Variants in SAMD8 observed in about 807,000 individuals in gnomAD.
SAMD8 encodes sphingomyelin synthase-related protein 1.
A neutral mutation model predicts 42.0 loss-of-function variants in SAMD8; 20 were observed. The ratio of observed to expected loss-of-function variants is 0.48; its 90% confidence interval spans 0.34 to 0.69. SAMD8 has a LOEUF of 0.69. SAMD8 is among the 30% of genes least tolerant of loss of function. The pLI is 0.01. For synonymous variants in SAMD8, 162 were observed against 173.0 expected (o/e 0.94, Z 0.50); for missense variants, 328 against 511.6 (o/e 0.64, Z 3.46).
At chr10:75,103,811 C>T in intron 1 of SAMD8, 2 of 1,108,264 alleles carry the variant, frequency 1.8e-6, no homozygotes, top group Admixed American at 3.1e-5. Flanking sequence ...TTCCTCTCTC[C>T]TCCCCTCCCC....
intron 1 of SAMD8, among the ~76,000 whole-genome samples, chr10:75,115,357 T>C (rs1026978518): frequency 2.6e-5 from 4 of 152,192 alleles, no homozygotes; most frequent in African/African-American, 4.8e-5. Context: ...CTTGTGGTTT[T>C]CTTGGCCTTG....
At chr10:75,162,915 AT>A (rs939244372) in intron 2 of SAMD8, among the ~76,000 whole-genome samples, 10 of 151,144 alleles carry the variant, frequency 6.6e-5, no homozygotes, top group African/African-American at 9.7e-5. Context: ...CAAGAGAGGA[AT>A]TTTTTTTTCT....
chr10:75,139,446 T>A (rs1438211517), intron 1 of SAMD8, among the ~76,000 whole-genome samples: 1 of 152,152 alleles, frequency 6.6e-6, no homozygotes, highest in Non-Finnish European at 1.5e-5. Flanking sequence ...GAACAATTGT[T>A]AACAATGGGG....
intron 1 of SAMD8, among the ~76,000 whole-genome samples, chr10:75,116,810 A>G (rs111664760): frequency 3.1e-4 from 47 of 152,026 alleles, no homozygotes; most frequent in Non-Finnish European, 6.3e-4. Flanking sequence ...TGGATGTAGC[A>G]TATTTATTTA....
At chr10:75,105,645 C>T (rs1338358697) in intron 1 of SAMD8, 3 of 1,545,670 alleles carry the variant, frequency 1.9e-6, no homozygotes, top group Admixed American at 3.9e-5. Context: ...TCCAGCTTTG[C>T]CCCCTGAGGC....
upstream of SAMD8, chr10:75,108,169 T>C (rs968730029): frequency 1.8e-5 from 29 of 1,612,026 alleles, no homozygotes; most frequent in Non-Finnish European, 2.5e-5. Context: ...ACGTGGGTGA[T>C]GCCCAGCTTC....
intron 1 of SAMD8, among the ~76,000 whole-genome samples, chr10:75,131,362 C>T (rs1033029309): frequency 2.7e-4 from 41 of 152,246 alleles, no homozygotes; most frequent in African/African-American, 9.6e-4. Flanking sequence ...GGCTTGTTGC[C>T]TCTACTAATT....
upstream of SAMD8, among the ~76,000 whole-genome samples, chr10:75,111,099 C>T (rs182856708): frequency 2.9e-4 from 44 of 152,362 alleles, no homozygotes; most frequent in African/African-American, 1.1e-3. Flanking sequence ...AGACGTGAGC[C>T]TCCGCTCCCG....
At chr10:75,141,404 A>G (rs1589953033) in intron 1 of SAMD8, among the ~76,000 whole-genome samples, 2 of 151,994 alleles carry the variant, frequency 1.3e-5, no homozygotes, top group Admixed American at 1.3e-4. Flanking sequence ...TGTCGATACT[A>G]TATGTGGCAA....
At chr10:75,149,402 T>C (rs1840227764) in intron 1 of SAMD8, among the ~76,000 whole-genome samples, 1 of 152,192 alleles carries the variant, frequency 6.6e-6, no homozygotes, top group Non-Finnish European at 1.5e-5. Context: ...TGTGAGTACA[T>C]GGAAATGACA....
intron 1 of SAMD8, among the ~76,000 whole-genome samples, chr10:75,141,715 G>A (rs539964405): frequency 6.6e-6 from 1 of 151,288 alleles, no homozygotes; most frequent in South Asian, 2.1e-4. Context: ...CTAATTTTTT[G>A]TATTTTTATT....
At chr10:75,136,383 A>G (rs1488387479) in intron 1 of SAMD8, among the ~76,000 whole-genome samples, 2 of 152,336 alleles carry the variant, frequency 1.3e-5, no homozygotes, top group African/African-American at 4.8e-5. Context: ...GAGAGCTGAA[A>G]AACATATCCT....
intron 3 of SAMD8, among the ~76,000 whole-genome samples, chr10:75,164,980 T>TG (rs1840641214): frequency 6.6e-6 from 1 of 152,204 alleles, no homozygotes; most frequent in South Asian, 2.1e-4. Flanking sequence ...CTATGGCTGA[T>TG]CGTGCTCATC....
In SAMD8 at chr10:75,181,773, C is replaced by T. The variant is rs78449086; in HGVS notation, c.*5081C>T. 1.3e-5 allele frequency: 2 copies of T among 152,112 alleles called. No homozygotes were observed. Among genetic ancestry groups the T allele is most frequent in the African/African-American group, 4.8e-5 (2 of 41,426 alleles). 9.4% of individuals were successfully genotyped at this position (152,112 alleles called of 1,614,324 possible). On this transcript the variant is annotated 3_prime_UTR_variant, in exon 6 of 6. Coordinates refer to ENST00000542569, the MANE Select transcript of SAMD8 (RefSeq NM_001174156.2). ...GTCATCTTAAAAATGTTCACTTTTA[C>T]TAAGTTTTATTCAGAGGATCTATGT...
At chr10:75,138,951 GT>G (rs1318589530) in intron 1 of SAMD8, among the ~76,000 whole-genome samples, 1 of 139,810 alleles carries the variant, frequency 7.2e-6, no homozygotes, top group Non-Finnish European at 1.5e-5. Flanking sequence ...TGCTTAAGTG[GT>G]TTTTTCTTTT....
Position 75,145,920 on chromosome 10 carries a change from A to G in SAMD8, c.-15-4594A>G, listed in dbSNP as rs544692065. 1.1e-3 allele frequency among the ~76,000 whole-genome samples: 170 copies of G among 152,264 alleles called. 1 individual carries two copies. Among genetic ancestry groups the G allele is most frequent in the Middle Eastern group, 3.4e-3 (1 of 294 alleles). ...TGGAATAGGTACTTTTCTTGGCCTC[A>G]TGTGAGTGCTGGGAATTCAATTGGG... On this transcript the variant is annotated intron_variant, in intron 1 of 5. Transcript: ENST00000542569.
At chr10:75,168,137 CA>C (rs1467838100) in intron 3 of SAMD8, among the ~76,000 whole-genome samples, 1 of 152,184 alleles carries the variant, frequency 6.6e-6, no homozygotes, top group African/African-American at 2.4e-5. Flanking sequence ...GCTGGGATTA[CA>C]GGCACACACC....
At chr10:75,111,383 T>G (rs1044509650), upstream of SAMD8, 2 of 642,632 alleles carry the variant, frequency 3.1e-6, no homozygotes, top group Non-Finnish European at 4.4e-6. Context: ...CGCGGCAGCA[T>G]CTCGGTTCTC....
At chr10:75,131,484 T>C (rs1174689545) in intron 1 of SAMD8, among the ~76,000 whole-genome samples, 4 of 152,132 alleles carry the variant, frequency 2.6e-5, no homozygotes, top group African/African-American at 9.6e-5. Context: ...AGAAAAATTA[T>C]AGGTTATTTT....
Sources: gnomAD v4.1 joint callset for allele counts (sites outside exome capture counted in the v4.1 genomes callset) on GRCh38, gnomAD v4.1.1 for gene constraint, MANE v1.5 for transcripts, NCBI Gene and HGNC (gene_info 2026-07-23, HGNC 2026-07-21) for gene names.